ZBTB44: variants seen among roughly 807,000 people sequenced by gnomAD.
ZBTB44 encodes the protein zinc finger and BTB domain containing 44.
In ZBTB44, 15 loss-of-function variants were observed where a neutral mutation model predicts 54.0. The ratio of observed to expected loss-of-function variants is 0.28; its 90% CI spans 0.19 to 0.43. ZBTB44 has a LOEUF of 0.43. Among genes scored for constraint, ZBTB44 ranks in the 20% least tolerant of loss-of-function variants. The pLI is 1.00. For synonymous variants in ZBTB44, 230 were observed against 250.1 expected (o/e 0.92, Z 0.76); for missense variants, 487 against 707.1 (o/e 0.69, Z 3.53).
At chr11:130,283,601 C>T (rs1034466205) in intron 1 of ZBTB44, among the ~76,000 whole-genome samples, 1 of 152,092 alleles carries the variant, frequency 6.6e-6, no homozygotes, top group African/African-American at 2.4e-5. Flanking sequence ...ATTATATGTT[C>T]AATCTCATTT....
rs202076590 is a variant in ZBTB44, at chr11:130,301,703, TATG to T, written c.-57+12669_-57+12671del. Among the ~76,000 whole-genome samples, 1,315 of 151,966 alleles carry T rather than the reference TATG, an allele frequency of 8.7e-3. 9 individuals carry two copies. The highest frequency in any genetic ancestry group is 0.021 in the African/African-American group (889 of 41,382). ...ATGTGGAGAAAAAAGTAGAAGGATG[TATG>T]ATAAGAGGCACTGAAGACCCAACTG... On this transcript the variant is annotated intron_variant, in intron 1 of 7. Coordinates refer to ENST00000357899, the MANE Select transcript of ZBTB44 (RefSeq NM_001301098.2).
chr11:130,264,973 T>C (rs564402077), intron 1 of ZBTB44, among the ~76,000 whole-genome samples: 1 of 152,308 alleles, frequency 6.6e-6, no homozygotes, highest in South Asian at 2.1e-4. Context: ...ATATCTGTTA[T>C]GGTGATCTGT....
At chr11:130,241,231 G>A (rs769825682) in intron 2 of ZBTB44, among the ~76,000 whole-genome samples, 5 of 152,134 alleles carry the variant, frequency 3.3e-5, no homozygotes, top group Non-Finnish European at 7.3e-5. Context: ...ACATATGTAG[G>A]AATGGAATTG....
At chr11:130,296,616 G>A (rs1941668483) in intron 1 of ZBTB44, 1 of 888,310 alleles carries the variant, frequency 1.1e-6, no homozygotes, top group East Asian at 2.4e-5. Flanking sequence ...AATGGGAGAA[G>A]ACATGCCTTG....
chr11:130,267,783 G>A (rs1939364167), intron 1 of ZBTB44, among the ~76,000 whole-genome samples: 2 of 152,144 alleles, frequency 1.3e-5, no homozygotes, highest in African/African-American at 4.8e-5. Flanking sequence ...CCTCGTGAAG[G>A]CCGGGCGCAG....
Position 130,314,403 on chromosome 11 carries a change from C to T in ZBTB44, c.-85G>A, listed in dbSNP as rs1942821283. ...CGGGCGGCGGCGCCGGGCCCGGAGG[C>T]CTGCTGCTCCTCCTCCTTCTCCCGC... On this transcript the variant is annotated 5_prime_UTR_variant, in exon 1 of 8. Coordinates refer to ENST00000357899, the MANE Select transcript of ZBTB44 (RefSeq NM_001301098.2). 1 of 153,222 alleles carries T rather than the reference C, an allele frequency of 6.5e-6. No individual in the cohort carries two copies. Among genetic ancestry groups the T allele is most frequent in the East Asian group, 1.9e-4 (1 of 5,180 alleles). 9.5% of individuals were successfully genotyped at this position (153,222 alleles called of 1,614,324 possible).
At chr11:130,240,040 CA>C in intron 2 of ZBTB44, 144 bp from the exon 3 acceptor site, 3 of 370,984 alleles carry the variant, frequency 8.1e-6, no homozygotes, top group Non-Finnish European at 1.4e-5. Flanking sequence ...TAGTGTTCTA[CA>C]TTTTTTTTTT....
At chr11:130,283,600 T>C (rs1262647346) in intron 1 of ZBTB44, among the ~76,000 whole-genome samples, 2 of 152,184 alleles carry the variant, frequency 1.3e-5, no homozygotes, top group Non-Finnish European at 2.9e-5. Flanking sequence ...AATTATATGT[T>C]CAATCTCATT....
chr11:130,281,535 A>AT (rs1272853562), intron 1 of ZBTB44, among the ~76,000 whole-genome samples: 5 of 150,614 alleles, frequency 3.3e-5, no homozygotes, highest in Non-Finnish European at 7.4e-5. Context: ...AAATAAATAA[A>AT]TAAATAAATA....
intron 4 of ZBTB44, among the ~76,000 whole-genome samples, chr11:130,237,682 T>C (rs1476670177): frequency 1.3e-5 from 2 of 152,178 alleles, no homozygotes; most frequent in African/African-American, 4.8e-5. Flanking sequence ...TCACAGTGTT[T>C]TGGGGAAAAA....
intron 1 of ZBTB44, among the ~76,000 whole-genome samples, chr11:130,265,978 A>G (rs1452263945): frequency 2.0e-5 from 3 of 152,236 alleles, no homozygotes; most frequent in Non-Finnish European, 4.4e-5. Flanking sequence ...TGGCTACACT[A>G]AACAGCAGGT....
intron 1 of ZBTB44, chr11:130,296,651 G>C (rs1186023003): frequency 2.1e-6 from 2 of 950,690 alleles, no homozygotes; most frequent in Non-Finnish European, 3.4e-6. Flanking sequence ...AGAATAATTG[G>C]GTTTTCTTCT....
At chr11:130,314,145 G>C (rs551640832) in intron 1 of ZBTB44, among the ~76,000 whole-genome samples, 92 of 152,322 alleles carry the variant, frequency 6.0e-4, no homozygotes, top group African/African-American at 2.1e-3. Context: ...CAGCTCCCTG[G>C]AAGGTCGGGG....
At chr11:130,302,568 TAAG>T (rs1009051277) in intron 1 of ZBTB44, among the ~76,000 whole-genome samples, 4 of 151,682 alleles carry the variant, frequency 2.6e-5, no homozygotes, top group African/African-American at 9.7e-5. Flanking sequence ...AAGCAGAAAG[TAAG>T]AAGAGCAAAG....
At chr11:130,274,650 CATTA>C (rs1172163338) in intron 1 of ZBTB44, among the ~76,000 whole-genome samples, 1 of 151,806 alleles carries the variant, frequency 6.6e-6, no homozygotes. Context: ...TAATATATTC[CATTA>C]ATTAATTTTA....
At chr11:130,306,063 C>G (rs1172773338) in intron 1 of ZBTB44, among the ~76,000 whole-genome samples, 1 of 152,140 alleles carries the variant, frequency 6.6e-6, no homozygotes, top group East Asian at 1.9e-4. Flanking sequence ...TAGATACTAC[C>G]TTACTCCTGT....
chr11:130,275,730 C>T (rs1056887925), intron 1 of ZBTB44, among the ~76,000 whole-genome samples: 3 of 152,096 alleles, frequency 2.0e-5, no homozygotes, highest in Middle Eastern at 3.2e-3. Flanking sequence ...CAGGTTCAAG[C>T]AGTTCTCCTG....
At chr11:130,238,310 G>T in intron 4 of ZBTB44, 134 bp downstream of exon 4, 1 of 1,139,084 alleles carries the variant, frequency 8.8e-7, no homozygotes, top group Non-Finnish European at 1.2e-6. Context: ...ATAAACCTTA[G>T]CTAATCTGTT....
intron 1 of ZBTB44, among the ~76,000 whole-genome samples, chr11:130,277,423 A>C (rs1481635178): frequency 4.6e-5 from 7 of 152,216 alleles, no homozygotes; most frequent in African/African-American, 1.7e-4. Flanking sequence ...TGTTACAGAT[A>C]TCATATCTGC....
Sources: gnomAD v4.1 joint callset for allele counts (sites outside exome capture counted in the v4.1 genomes callset) on GRCh38, gnomAD v4.1.1 for gene constraint, MANE v1.5 for transcripts, NCBI Gene and HGNC (gene_info 2026-07-23, HGNC 2026-07-21) for gene names.